The following TEN1 variants were observed in gnomAD, a reference collection of about 807,000 sequenced individuals.
The protein encoded by TEN1 is TEN1 subunit of CST complex, also known as CST complex subunit TEN1.
In TEN1, 6 loss-of-function variants were observed where a neutral mutation model predicts 9.3. The observed-to-expected ratio is 0.65, with a 90% CI of 0.35 to 1.27. TEN1 has a LOEUF of 1.27. TEN1 is among the 50% of genes most tolerant of loss of function. The pLI is 0.03. For synonymous variants in TEN1, 65 were observed against 65.6 expected (o/e 0.99, Z 0.04); for missense variants, 149 against 158.2 (o/e 0.94, Z 0.31).
intron 1 of TEN1, among the ~76,000 whole-genome samples, chr17:75,983,918 T>C (rs1815888599): frequency 6.6e-6 from 1 of 152,176 alleles, no homozygotes; most frequent in South Asian, 2.1e-4. Context: ...TCTTAGGTTC[T>C]GCAATAGTGA....
Position 75,991,506 on chromosome 17 carries a change from A to T in TEN1, c.133A>T (p.Met45Leu). 6.4e-7 allele frequency: 1 copy of T among 1,552,340 alleles called. No individual in the cohort carries two copies. The highest frequency in any genetic ancestry group is 8.7e-7 in the Non-Finnish European group (1 of 1,147,134). ...CATGATTCAGTCCAGAGTAACACTG[A>T]TGGCTCAGCACGGATCCGATCAGCA... ...YDMIQSRVTL[M>L]AQHGSDQHQV... Residue 45 changes from methionine to leucine, a missense_variant, in exon 3 of 4, where the codon ATG becomes TTG. Coordinates refer to ENST00000397640, the MANE Select transcript of TEN1 (RefSeq NM_001113324.3).
At position 75,979,392 on chromosome 17, in the gene TEN1, G is replaced by C. The variant is rs982484891; in HGVS notation, c.-126G>C. 2.0e-6 allele frequency: 1 copy of C among 495,856 alleles called. No individual in the cohort carries two copies. The highest frequency in any genetic ancestry group is 2.0e-5 in the African/African-American group (1 of 50,900). The allele number at this position is 495,856 out of a possible 1,614,324, so 30.7% of individuals were successfully genotyped here. A position where few individuals can be genotyped will look rare whatever the true frequency, so the allele number is the denominator to read the frequency against. On this transcript the variant is annotated 5_prime_UTR_variant, in exon 1 of 4. Transcript: ENST00000397640. ...AAGGGGCTCCGAAGGTCAAGAAACT[G>C]CCCTGCTGGGCGTCCGGGGAGTGGG...
rs543914514 is a variant in TEN1 at position 75,979,259 on chromosome 17, A to G, written c.-259A>G. The G allele has an allele frequency of 1.3e-6, 1 of 788,196 alleles. No individual in the cohort carries two copies. The highest frequency in any genetic ancestry group is 2.1e-6 in the Non-Finnish European group (1 of 482,464). The allele number at this position is 788,196 out of a possible 1,614,324, so 48.8% of individuals were successfully genotyped here. Reference sequence around the variant, plus strand: ...CGTGGCCCTTTGGCGCGTGAGTGACAGCGGCCCAGACAGAGGGGGCGATGT... The same window carrying G: ...CGTGGCCCTTTGGCGCGTGAGTGACGGCGGCCCAGACAGAGGGGGCGATGT... On this transcript the variant is annotated 5_prime_UTR_variant, in exon 1 of 4. Transcript: ENST00000397640.
intron 3 of TEN1, among the ~76,000 whole-genome samples, chr17:75,998,169 C>CCTT (rs1555622205): frequency 1.5e-5 from 2 of 135,734 alleles, no homozygotes; most frequent in African/African-American, 5.4e-5. Flanking sequence ...TTTTTTTTTC[C>CCTT]TTTTTTTTTT....
chr17:75,989,451 C>T (rs371752780), intron 2 of TEN1, among the ~76,000 whole-genome samples: 15 of 143,536 alleles, frequency 1.0e-4, no homozygotes, highest in East Asian at 8.5e-4. Flanking sequence ...CTTGCTCTGT[C>T]GCCAGGCTGG....
chr17:75,982,070 T>C (rs1274681782), intron 1 of TEN1, among the ~76,000 whole-genome samples: 1 of 152,068 alleles, frequency 6.6e-6, no homozygotes, highest in African/African-American at 2.4e-5. Context: ...CTCTTAACTT[T>C]CCCTCCTTCT....
chr17:75,994,897 G>A (rs2066209752), intron 3 of TEN1, among the ~76,000 whole-genome samples: 1 of 152,118 alleles, frequency 6.6e-6, no homozygotes. Flanking sequence ...CTCTGGCCTG[G>A]GCAGAGGGGG....
At chr17:75,986,630 G>C (rs1268336156) in intron 2 of TEN1, among the ~76,000 whole-genome samples, 1 of 152,116 alleles carries the variant, frequency 6.6e-6, no homozygotes, top group East Asian at 1.9e-4. Context: ...GAACGTGGAA[G>C]GTGGAGGTTG....
At position 75,991,162 on chromosome 17, in the gene TEN1, A is replaced by AAAG. The variant is rs1555621597; in HGVS notation, c.93-302_93-301insGAA. 9.5e-4 allele frequency among the ~76,000 whole-genome samples: 143 copies of AAAG among 150,664 alleles called. 1 individual carries two copies. Among genetic ancestry groups the AAAG allele is most frequent in the African/African-American group, 3.0e-3 (125 of 41,118 alleles). On this transcript the variant is annotated intron_variant, in intron 2 of 3. Coordinates refer to ENST00000397640, the MANE Select transcript of TEN1 (RefSeq NM_001113324.3). ...GAGACTCCATCTCAAAAAAAAAAAA[A>AAAG]AAAAAAGAAAAAAGAAAAAGAAAAA...
intron 1 of TEN1, among the ~76,000 whole-genome samples, chr17:75,984,299 G>C (rs2066139239): frequency 6.6e-6 from 1 of 152,150 alleles, no homozygotes; most frequent in African/African-American, 2.4e-5. Context: ...CTCATTGTTG[G>C]CCATTATGGG....
At chr17:75,993,484 G>GATC in intron 3 of TEN1, among the ~76,000 whole-genome samples, 1 of 152,048 alleles carries the variant, frequency 6.6e-6, no homozygotes, top group South Asian at 2.1e-4. Context: ...TAAAAGCCCT[G>GATC]ACAAAATAAA....
intron 1 of TEN1, among the ~76,000 whole-genome samples, chr17:75,981,604 T>G (rs1052647500): frequency 6.6e-6 from 1 of 151,796 alleles, no homozygotes; most frequent in Non-Finnish European, 1.5e-5. Flanking sequence ...TTGTTTTTTT[T>G]TTTTTTTTTA....
intron 3 of TEN1, among the ~76,000 whole-genome samples, chr17:75,996,024 G>A (rs1458543540): frequency 6.6e-6 from 1 of 151,926 alleles, no homozygotes. Flanking sequence ...GCAGGAGTTC[G>A]ATGCTGCAGT....
intron 1 of TEN1, among the ~76,000 whole-genome samples, chr17:75,980,422 CTA>C (rs1474060426): frequency 6.7e-6 from 1 of 150,342 alleles, no homozygotes; most frequent in East Asian, 1.9e-4. Context: ...TGAATCATCT[CTA>C]GTCATTTTTT....
intron 3 of TEN1, among the ~76,000 whole-genome samples, chr17:75,998,389 G>A (rs1220786209): frequency 6.6e-6 from 1 of 151,868 alleles, no homozygotes; most frequent in Non-Finnish European, 1.5e-5. Flanking sequence ...CAAGTGATCT[G>A]CTTGTCTTGC....
chr17:75,982,676 T>C (rs1310774756), intron 1 of TEN1, among the ~76,000 whole-genome samples: 1 of 152,112 alleles, frequency 6.6e-6, no homozygotes, highest in Non-Finnish European at 1.5e-5. Flanking sequence ...CCTCAAACTC[T>C]TAGGCTCAAG....
At chr17:75,985,224 T>C (rs1202458735) in intron 1 of TEN1, among the ~76,000 whole-genome samples, 1 of 152,210 alleles carries the variant, frequency 6.6e-6, no homozygotes, top group Non-Finnish European at 1.5e-5. Context: ...CATAGCTCAC[T>C]GCAGCTTCAA....
chr17:75,980,343 G>GA (rs201996577), intron 1 of TEN1, among the ~76,000 whole-genome samples: 2,662 of 150,460 alleles, frequency 0.018, 38 homozygotes, highest in Admixed American at 0.025. Context: ...TGTCTCTACA[G>GA]AAAAAAAACA....
At chr17:75,986,695 C>CT (rs1359564173) in intron 2 of TEN1, among the ~76,000 whole-genome samples, 4 of 151,480 alleles carry the variant, frequency 2.6e-5, no homozygotes, top group Admixed American at 2.6e-4. Context: ...GAGCAAAACT[C>CT]TGTCTCAAAA....
Sources: allele counts gnomAD v4.1 joint callset (sites outside exome capture counted in the v4.1 genomes callset), GRCh38; gene constraint gnomAD v4.1.1; transcripts MANE v1.5; gene names NCBI Gene and HGNC (gene_info 2026-07-23, HGNC 2026-07-21).